The following CLASP1 variants were observed in gnomAD, a reference collection of about 807,000 sequenced individuals.
CLASP1 encodes the protein CLIP-associating protein 1.
A neutral mutation model predicts 192.3 loss-of-function variants in CLASP1; 38 were observed. The observed-to-expected ratio is 0.20, with a 90% CI of 0.15 to 0.26. CLASP1 has a LOEUF of 0.26. Ranked by LOEUF, CLASP1 falls within the 10% of genes least tolerant of loss-of-function variation. The pLI is 1.00. For synonymous variants in CLASP1, 691 were observed against 712.8 expected (o/e 0.97, Z 0.49); for missense variants, 1,433 against 1,932.5 (o/e 0.74, Z 4.85).
chr2:121,447,462 T>C, exon 19 of CLASP1: 1 of 1,557,152 alleles, frequency 6.4e-7, no homozygotes, highest in South Asian at 1.2e-5. Context: ...TCGAGATCGC[T>C]GGAGGGACCC....
intron 2 of CLASP1, among the ~76,000 whole-genome samples, chr2:121,556,686 T>A (rs914833417): frequency 3.7e-4 from 57 of 152,226 alleles, no homozygotes; most frequent in African/African-American, 1.3e-3. Context: ...TGATTATCAT[T>A]GCTATTGTCT....
exon 28 of CLASP1, chr2:121,401,585 G>T: frequency 6.2e-7 from 1 of 1,612,682 alleles, no homozygotes. Context: ...TTAAGTAATT[G>T]TGTGAGAAGA....
At chr2:121,345,057 G>A (rs2149101692) in intron 39 of CLASP1, among the ~76,000 whole-genome samples, 1 of 152,358 alleles carries the variant, frequency 6.6e-6, no homozygotes, top group East Asian at 1.9e-4. Flanking sequence ...TACTCGGGAG[G>A]CTGAGGCAGG....
At chr2:121,393,748 G>C (rs2074781577) in intron 30 of CLASP1, among the ~76,000 whole-genome samples, 1 of 152,048 alleles carries the variant, frequency 6.6e-6, no homozygotes, top group African/African-American at 2.4e-5. Context: ...TGTAGAGTTT[G>C]AGGACATCTA....
intron 34 of CLASP1, among the ~76,000 whole-genome samples, chr2:121,371,944 T>G (rs2068829671): frequency 6.6e-6 from 1 of 152,230 alleles, no homozygotes; most frequent in Non-Finnish European, 1.5e-5. Flanking sequence ...GTTTCCATTC[T>G]CAACTCTGCA....
At chr2:121,526,094 T>C (rs2094567326) in intron 5 of CLASP1, 174 bp from the exon 6 acceptor site, 1 of 610,866 alleles carries the variant, frequency 1.6e-6, no homozygotes, top group Non-Finnish European at 2.9e-6. Flanking sequence ...GATGGCCCCT[T>C]TGCACAGAGT....
At position 121,420,602 on chromosome 2, in the gene CLASP1, T is replaced by C. The variant is rs7597038; in HGVS notation, c.2213-1873A>G. ...AAATGAGAAGGGTACTGTGAGATAA[T>C]GCACATACATAAGTATTTCCAAGTC... is the stretch of plus-strand genomic sequence containing the variant. On this transcript the variant is annotated intron_variant, in intron 22 of 39. Coordinates refer to ENST00000263710, the Ensembl canonical transcript of CLASP1. Among the ~76,000 whole-genome samples, 746 of 152,306 alleles carry C rather than the reference T, an allele frequency of 4.9e-3. 9 individuals carry two copies. Among genetic ancestry groups the C allele is most frequent in the African/African-American group, 0.017 (723 of 41,566 alleles).
At position 121,393,100 on chromosome 2, in the gene CLASP1, G is replaced by A. The variant is rs1046474102; in HGVS notation, c.3123+4040C>T. Among the ~76,000 whole-genome samples the A allele has an allele frequency of 5.9e-5, 9 of 152,188 alleles. 1 individual carries two copies. Among genetic ancestry groups the A allele is most frequent in the African/African-American group, 2.2e-4 (9 of 41,438 alleles). Reference sequence around the variant, plus strand: ...GTTATAAGTTTAAAATGCTTCAAAAGTGCTTTCACAAACATGGTTGTATGG... The same window carrying A: ...GTTATAAGTTTAAAATGCTTCAAAAATGCTTTCACAAACATGGTTGTATGG... On this transcript the variant is annotated intron_variant, in intron 30 of 39. Coordinates refer to ENST00000263710, the Ensembl canonical transcript of CLASP1.
intron 22 of CLASP1, among the ~76,000 whole-genome samples, chr2:121,420,645 T>C (rs375751056): frequency 6.6e-6 from 1 of 152,198 alleles, no homozygotes; most frequent in Admixed American, 6.5e-5. Context: ...GAAGAGCACA[T>C]GTAAAAATTT....
At position 121,585,546 on chromosome 2, in the gene CLASP1, G is replaced by A. The variant is rs116103984; in HGVS notation, c.195+20155C>T. ...AGGGTATATCTAATTTTGGAGATAG[G>A]AAAAAACAAAAAACAGATCAATTTT... On this transcript the variant is annotated intron_variant, in intron 2 of 39. Coordinates refer to ENST00000263710, the Ensembl canonical transcript of CLASP1. 9.7e-3 allele frequency among the ~76,000 whole-genome samples: 1,476 copies of A among 151,914 alleles called. 17 individuals are homozygous for A. Among genetic ancestry groups the A allele is most frequent in the Non-Finnish European group, 0.016 (1,065 of 67,910 alleles).
chr2:121,389,381 T>C (rs1057195703), intron 30 of CLASP1, among the ~76,000 whole-genome samples: 2 of 152,090 alleles, frequency 1.3e-5, no homozygotes. Flanking sequence ...TTCACCAATT[T>C]AATGTACTGT....
chr2:121,388,462 G>C (rs1029385736), intron 30 of CLASP1, among the ~76,000 whole-genome samples: 1 of 152,164 alleles, frequency 6.6e-6, no homozygotes, highest in African/African-American at 2.4e-5. Flanking sequence ...GATTTCGAAG[G>C]AGTCTACGTT....
intron 36 of CLASP1, among the ~76,000 whole-genome samples, 196 bp from the exon 38 acceptor site, chr2:121,363,496 GGC>G (rs2066796903): frequency 6.6e-6 from 1 of 152,170 alleles, no homozygotes; most frequent in Admixed American, 6.5e-5. Context: ...GCTCCATGAA[GGC>G]AGGCACTGTG....
chr2:121,553,280 C>A (rs1318314586), intron 2 of CLASP1, among the ~76,000 whole-genome samples: 1 of 152,156 alleles, frequency 6.6e-6, no homozygotes, highest in Non-Finnish European at 1.5e-5. Context: ...ATCTGTACAA[C>A]AAACCCCTGT....
intron 23 of CLASP1, among the ~76,000 whole-genome samples, chr2:121,416,836 T>C (rs2078667368): frequency 6.6e-6 from 1 of 152,196 alleles, no homozygotes; most frequent in Non-Finnish European, 1.5e-5. Flanking sequence ...CCTAAGACTC[T>C]GACGATGATA....
chr2:121,607,069 C>T (rs1314464484), intron 1 of CLASP1, among the ~76,000 whole-genome samples: 2 of 150,192 alleles, frequency 1.3e-5, no homozygotes, highest in South Asian at 2.1e-4. Flanking sequence ...AGGCCGGGTA[C>T]GGTGGCTCAC....
At chr2:121,546,016 C>T (rs923648015) in intron 2 of CLASP1, among the ~76,000 whole-genome samples, 1 of 152,164 alleles carries the variant, frequency 6.6e-6, no homozygotes, top group African/African-American at 2.4e-5. Flanking sequence ...GCATGCTTTA[C>T]ATGCAATGCC....
intron 1 of CLASP1, among the ~76,000 whole-genome samples, chr2:121,611,329 G>T (rs2065435399): frequency 7.2e-6 from 1 of 139,148 alleles, no homozygotes; most frequent in African/African-American, 2.7e-5. Context: ...GGAGGAGGAA[G>T]AGGAGTTACA....
At chr2:121,432,349 C>T (rs954555565) in intron 19 of CLASP1, among the ~76,000 whole-genome samples, 4 of 152,140 alleles carry the variant, frequency 2.6e-5, no homozygotes, top group Non-Finnish European at 5.9e-5. Flanking sequence ...CAACTCCTGA[C>T]CTCAAGTGAT....
Sources: gnomAD v4.1 joint callset for allele counts (sites outside exome capture counted in the v4.1 genomes callset) on GRCh38, gnomAD v4.1.1 for gene constraint, MANE v1.5 for transcripts, NCBI Gene and HGNC (gene_info 2026-07-23, HGNC 2026-07-21) for gene names.